DMRT1: variants seen among roughly 807,000 people sequenced by gnomAD.
The protein encoded by DMRT1 is doublesex- and mab-3-related transcription factor 1.
DMRT1 carries 7 observed loss-of-function variants against 32.3 expected under a neutral mutation model. That is an observed-to-expected ratio of 0.22 (90% CI 0.12 to 0.41). The LOEUF (loss-of-function observed/expected upper bound fraction) is 0.41, where lower values mean the gene tolerates loss of function less well. Ranked by LOEUF, DMRT1 falls within the 10% of genes least tolerant of loss-of-function variation. The pLI is 1.00. For missense variants in DMRT1, 625 were observed against 500.5 expected, an observed-to-expected ratio of 1.25 and a Z score of -2.37; for synonymous variants, 278 against 206.1, an observed-to-expected ratio of 1.35 and a Z score of -2.99.
intron 2 of DMRT1, among the ~76,000 whole-genome samples, chr9:870,619 G>A (rs552089301): frequency 6.0e-5 from 9 of 150,238 alleles, no homozygotes; most frequent in African/African-American, 2.2e-4. Context: ...TCTGGTCTCT[G>A]TTGGGTCCAA....
chr9:851,732 A>C (rs1008320452), intron 2 of DMRT1, among the ~76,000 whole-genome samples: 1 of 152,194 alleles, frequency 6.6e-6, no homozygotes, highest in South Asian at 2.1e-4. Context: ...AACATATATT[A>C]GAAGAAAATC....
chr9:866,771 G>T (rs895641590), intron 2 of DMRT1, among the ~76,000 whole-genome samples: 1 of 152,136 alleles, frequency 6.6e-6, no homozygotes, highest in African/African-American at 2.4e-5. Flanking sequence ...CTGCTACCTT[G>T]TAGAGTCCAG....
At chr9:876,778 G>A (rs975318940) in intron 2 of DMRT1, among the ~76,000 whole-genome samples, 3 of 152,132 alleles carry the variant, frequency 2.0e-5, no homozygotes, top group African/African-American at 7.2e-5. Flanking sequence ...CAATCCTCCC[G>A]CCTTGGCCTC....
At chr9:923,848 A>T (rs988882849) in intron 4 of DMRT1, among the ~76,000 whole-genome samples, 1 of 152,218 alleles carries the variant, frequency 6.6e-6, no homozygotes, top group Non-Finnish European at 1.5e-5. Flanking sequence ...ACATTTTAGA[A>T]ACGACTTATT....
At chr9:953,332 A>AT (rs751248820) in intron 4 of DMRT1, among the ~76,000 whole-genome samples, 4 of 152,104 alleles carry the variant, frequency 2.6e-5, no homozygotes, top group Admixed American at 6.5e-5. Context: ...TCATTCTGAT[A>AT]TTTCTGTTAG....
chr9:871,371 C>T (rs1258691097), intron 2 of DMRT1, among the ~76,000 whole-genome samples: 2 of 148,096 alleles, frequency 1.4e-5, no homozygotes, highest in African/African-American at 5.0e-5. Flanking sequence ...CTTGCCCTGT[C>T]ACCCAGGCTG....
chr9:853,294 T>C (rs1176429718), intron 2 of DMRT1, among the ~76,000 whole-genome samples: 1 of 152,170 alleles, frequency 6.6e-6, no homozygotes, highest in East Asian at 1.9e-4. Flanking sequence ...TTGCTCTTGT[T>C]GATGTACTTT....
chr9:858,600 G>T (rs140700067), intron 2 of DMRT1, among the ~76,000 whole-genome samples: 1 of 151,956 alleles, frequency 6.6e-6, no homozygotes, highest in Non-Finnish European at 1.5e-5. Flanking sequence ...TAGGCTGGGC[G>T]CAGTGGCTCA....
At chr9:864,721 C>T (rs1342224075) in intron 2 of DMRT1, among the ~76,000 whole-genome samples, 2 of 150,334 alleles carry the variant, frequency 1.3e-5, no homozygotes, top group Non-Finnish European at 1.5e-5. Context: ...AGGATGGTCT[C>T]CATCTCCTAA....
rs376424929 is a variant in DMRT1, at chr9:871,490, G to A, written c.539-22422G>A. On this transcript the variant is annotated intron_variant, in intron 2 of 4. Transcript: ENST00000382276. ...TGGGACTACAGGCATGCGCCACCACGCCCGGCTAATTTTTTTTTTTTTTTT... is the reference window on the plus strand; with the variant it reads ...TGGGACTACAGGCATGCGCCACCACACCCGGCTAATTTTTTTTTTTTTTTT... Among the ~76,000 whole-genome samples, 170 of 142,306 alleles carry A rather than the reference G, an allele frequency of 1.2e-3. 1 individual carries two copies. The highest frequency in any genetic ancestry group is 4.0e-3 in the African/African-American group (152 of 37,758). 93.4% of individuals were successfully genotyped at this position (142,306 alleles called of 152,430 possible). A position where few individuals can be genotyped will look rare whatever the true frequency, so the allele number is the denominator to read the frequency against.
Position 848,697 on chromosome 9 carries a change from G to A in DMRT1, c.538+1554G>A, listed in dbSNP as rs543534058. On this transcript the variant is annotated intron_variant, in intron 2 of 4. Transcript: ENST00000382276. ...GCCTCCTGAGTAGCTAGGACTACAG[G>A]CGCCCGCCACCACACCCGACTAATT... Among the ~76,000 whole-genome samples, 53 of 149,824 alleles carry A rather than the reference G, an allele frequency of 3.5e-4. 1 individual carries two copies. The highest frequency in any genetic ancestry group is 3.5e-3 in the Admixed American group (52 of 15,016).
At chr9:941,597 G>T (rs979914177) in intron 4 of DMRT1, among the ~76,000 whole-genome samples, 1 of 152,102 alleles carries the variant, frequency 6.6e-6, no homozygotes, top group Non-Finnish European at 1.5e-5. Context: ...AACATAAAAA[G>T]TTCTGGAGAT....
Position 847,027 on chromosome 9 carries a change from G to T in DMRT1, c.422G>T (p.Ser141Ile), listed in dbSNP as rs761768846. ...LGISHPIPLP[S>I]AAELLVKREN... ...ATCAGCCACCCCATCCCACTGCCCA[G>T]TGCGGCCGAGCTGCTTGTCAAAAGA... The change falls in exon 2 of 5, where the codon AGT (serine) becomes ATT (isoleucine). Residue 141 changes from serine to isoleucine, a missense_variant. By Grantham distance (142) the Ser-to-Ile change is moderately radical. Transcript: ENST00000382276. The T allele has an allele frequency of 6.2e-7, 1 of 1,614,162 alleles. No homozygotes were observed. Among genetic ancestry groups the T allele is most frequent in the South Asian group, 1.1e-5 (1 of 91,078 alleles).
At chr9:916,412 G>C (rs1212411293) in intron 3 of DMRT1, among the ~76,000 whole-genome samples, 1 of 151,922 alleles carries the variant, frequency 6.6e-6, no homozygotes, top group Admixed American at 6.6e-5. Flanking sequence ...TGTTGCCCAG[G>C]CTGGAGTGCA....
rs542469372 is a variant in DMRT1 at position 921,901 on chromosome 9, A to G, written c.967+4994A>G. ...ACTGCATCCAGCACTGCATCACGAC[A>G]CAGCCCTCCAGCTCTGTAGCACAGG... On this transcript the variant is annotated intron_variant, in intron 4 of 4. Transcript: ENST00000382276. Among the ~76,000 whole-genome samples the G allele has an allele frequency of 3.9e-5, 6 of 152,214 alleles. No individual in the cohort carries two copies. In the South Asian group the frequency reaches 1.0e-3, roughly 26 times the overall value.
At chr9:894,233 T>C in intron 3 of DMRT1, 38 bp downstream of exon 3, 3 of 1,608,140 alleles carry the variant, frequency 1.9e-6, no homozygotes, top group Non-Finnish European at 2.5e-6. Context: ...ACTGGTTGTG[T>C]GAAAGCCACA....
rs530394560 is a variant in DMRT1 at position 950,443 on chromosome 9, C to T, written c.968-17542C>T. Among the ~76,000 whole-genome samples, 4 of 152,076 alleles carry T rather than the reference C, an allele frequency of 2.6e-5. No homozygotes were observed. The East Asian group carries it at 7.7e-4, about 29-fold the overall frequency. On this transcript the variant is annotated intron_variant, in intron 4 of 4. Transcript: ENST00000382276. ...CTGAGTACAAATTCTGGCTCTGATA[C>T]TCAGCAGTCATGTGAGCTTGGGCAT...
intron 2 of DMRT1, among the ~76,000 whole-genome samples, chr9:861,354 G>C (rs1451000777): frequency 6.6e-6 from 1 of 152,170 alleles, no homozygotes; most frequent in African/African-American, 2.4e-5. Flanking sequence ...AGTGGACACA[G>C]CACATGTTTC....
rs1413845564 is a variant in DMRT1 at position 916,920 on chromosome 9, T to G, written c.967+13T>G. ...GCCAGGGCGAGCGGTAGGTGTCTGG[T>G]CACACAGACTGGATTTGGGGTTGAG... On this transcript the variant is annotated intron_variant, in intron 4 of 4. Coordinates refer to ENST00000382276, the MANE Select transcript of DMRT1 (RefSeq NM_021951.3). 16 of 1,614,106 alleles carry G rather than the reference T, an allele frequency of 9.9e-6. No homozygotes were observed. The highest frequency in any genetic ancestry group is 9.3e-6 in the Non-Finnish European group (11 of 1,179,976).
Sources: gnomAD v4.1 joint callset for allele counts (sites outside exome capture counted in the v4.1 genomes callset) on GRCh38, gnomAD v4.1.1 for gene constraint, MANE v1.5 for transcripts, NCBI Gene and HGNC (gene_info 2026-07-23, HGNC 2026-07-21) for gene names.